The following CCL28 variants were observed in gnomAD, a reference collection of about 807,000 sequenced individuals.
CCL28 encodes C-C motif chemokine 28.
CCL28 carries 4 observed loss-of-function variants against 7.1 expected under a neutral mutation model. The ratio of observed to expected loss-of-function variants is 0.56; its 90% CI spans 0.28 to 1.29. CCL28 has a LOEUF of 1.29. Among genes scored for constraint, CCL28 ranks in the 50% most tolerant of loss-of-function variants. The pLI, the probability that CCL28 is intolerant of heterozygous loss-of-function variation, is 0.11. For synonymous variants in CCL28, 55 were observed against 57.8 expected (o/e 0.95, Z 0.22); for missense variants, 151 against 163.4 (o/e 0.92, Z 0.41).
chr5:43,397,471 GCCCAAGTA>G (rs1740860710), intron 1 of CCL28, among the ~76,000 whole-genome samples: 2 of 151,596 alleles, frequency 1.3e-5, no homozygotes, highest in Non-Finnish European at 2.9e-5. Context: ...GTTTTCAGAC[GCCCAAGTA>G]CCCTCCTGGT....
In CCL28 at chr5:43,389,461, T is replaced by G. The variant is rs1162288480; in HGVS notation, c.65-985A>C. 2.0e-5 allele frequency among the ~76,000 whole-genome samples: 3 copies of G among 152,202 alleles called. 1 individual carries two copies. In the East Asian group the frequency reaches 5.8e-4, roughly 29 times the overall value. The stretch of plus-strand genomic sequence containing the variant: ...ACCCATCTCACTATACGTGAATCAC[T>G]ACGCTAGACCCTGAAGGTAGAAAGA... On this transcript the variant is annotated intron_variant, in intron 1 of 2. Coordinates refer to ENST00000361115, the MANE Select transcript of CCL28 (RefSeq NM_148672.3).
chr5:43,385,388 G>T (rs569807647), intron 2 of CCL28, among the ~76,000 whole-genome samples: 16 of 152,274 alleles, frequency 1.1e-4, no homozygotes, highest in Admixed American at 9.8e-4. Context: ...TTTACCGTAC[G>T]TTGACTTATA....
At chr5:43,398,398 A>AT (rs1740903429) in intron 1 of CCL28, among the ~76,000 whole-genome samples, 1 of 152,002 alleles carries the variant, frequency 6.6e-6, no homozygotes, top group African/African-American at 2.4e-5. Flanking sequence ...TAATTTCTTT[A>AT]TTTTTTTGTA....
intron 1 of CCL28, among the ~76,000 whole-genome samples, chr5:43,391,820 T>C (rs988706030): frequency 1.3e-5 from 2 of 152,228 alleles, no homozygotes; most frequent in African/African-American, 4.8e-5. Context: ...TTAATCACCA[T>C]TTTATAAATG....
chr5:43,377,056 A>C (rs1303813271), downstream of CCL28: 3 of 152,236 alleles, frequency 2.0e-5, no homozygotes, highest in East Asian at 5.8e-4. Context: ...CTAGTGATTA[A>C]TGCTGAATGT....
chr5:43,402,611 G>A (rs1387884525), intron 1 of CCL28, among the ~76,000 whole-genome samples: 4 of 152,146 alleles, frequency 2.6e-5, no homozygotes, highest in South Asian at 2.1e-4. Flanking sequence ...CACAGAAAAC[G>A]GGTGATTTCT....
chr5:43,378,428 A>G (rs920516097), downstream of CCL28, among the ~76,000 whole-genome samples: 28 of 152,100 alleles, frequency 1.8e-4, no homozygotes, highest in Admixed American at 9.8e-4. Flanking sequence ...TGTTATTTTT[A>G]TTATAAATTC....
the CCL28 span, among the ~76,000 whole-genome samples, chr5:43,367,734 C>T: frequency 6.6e-6 from 1 of 152,150 alleles, no homozygotes; most frequent in African/African-American, 2.4e-5. Context: ...GAGCCATGTA[C>T]CTCAGTTGGA....
At chr5:43,382,119 T>G in intron 2 of CCL28, 67 bp from the exon 3 acceptor site, 6 of 1,402,604 alleles carry the variant, frequency 4.3e-6, no homozygotes, top group African/African-American at 2.9e-5. Context: ...CTTAGTGACT[T>G]ACATGCAGCT....
chr5:43,393,424 G>T (rs1303983477), intron 1 of CCL28, among the ~76,000 whole-genome samples: 3 of 151,448 alleles, frequency 2.0e-5, no homozygotes, highest in African/African-American at 4.9e-5. Context: ...GCACAATCTC[G>T]GCTCACTGCA....
At chr5:43,372,993 G>GT (rs1291548972), downstream of CCL28, among the ~76,000 whole-genome samples, 1 of 151,438 alleles carries the variant, frequency 6.6e-6, no homozygotes, top group African/African-American at 2.4e-5. Context: ...CAAAGATGGG[G>GT]TTTCGCCATG....
rs1178941429 is a variant in CCL28 at position 43,379,767 on chromosome 5, A to G, written c.*2093T>C. Reference sequence around the variant, plus strand: ...AACACTACTGGGCTCTTACCTATCTATCTTGAAGCCTCTATGGACAAAAAA... The same window carrying G: ...AACACTACTGGGCTCTTACCTATCTGTCTTGAAGCCTCTATGGACAAAAAA... On this transcript the variant is annotated 3_prime_UTR_variant, in exon 3 of 3. Transcript: ENST00000361115. 6.6e-6 allele frequency: 1 copy of G among 152,060 alleles called. No individual in the cohort carries two copies. Among genetic ancestry groups the G allele is most frequent in the Admixed American group, 6.6e-5 (1 of 15,246 alleles). The allele number at this position is 152,060 out of a possible 1,614,324, so 9.4% of individuals were successfully genotyped here.
At chr5:43,365,225 G>A in the CCL28 span, among the ~76,000 whole-genome samples, 1 of 151,972 alleles carries the variant, frequency 6.6e-6, no homozygotes, top group African/African-American at 2.4e-5. Flanking sequence ...GGATGGTCTC[G>A]ATCTCCTGAC....
intron 1 of CCL28, among the ~76,000 whole-genome samples, chr5:43,389,741 G>A (rs1319731566): frequency 1.3e-5 from 2 of 152,166 alleles, no homozygotes; most frequent in Non-Finnish European, 2.9e-5. Context: ...GAGATCACTT[G>A]ATCTAAGTCA....
chr5:43,360,777 T>A, the CCL28 span, among the ~76,000 whole-genome samples: 65 of 152,336 alleles, frequency 4.3e-4, no homozygotes, highest in Admixed American at 3.5e-3. Context: ...AATGGTTTTT[T>A]TCTTGTAAAT....
downstream of CCL28, among the ~76,000 whole-genome samples, chr5:43,375,399 T>TAAAAA (rs1739869670): frequency 1.1e-5 from 1 of 89,220 alleles, no homozygotes; most frequent in Non-Finnish European, 2.1e-5. Flanking sequence ...GAGTAAAAAC[T>TAAAAA]CATCTACCAA....
downstream of CCL28, among the ~76,000 whole-genome samples, chr5:43,374,508 T>C (rs555051158): frequency 7.0e-4 from 107 of 152,308 alleles, no homozygotes; most frequent in Non-Finnish European, 8.8e-4. Context: ...CAAGGCTGGG[T>C]GCAGTGGCTC....
chr5:43,376,403 G>C (rs754919252), downstream of CCL28, among the ~76,000 whole-genome samples: 1 of 152,166 alleles, frequency 6.6e-6, no homozygotes, highest in Non-Finnish European at 1.5e-5. Context: ...GTACATGGGA[G>C]AGCCCCCCAC....
At chr5:43,401,324 T>A (rs73751086) in intron 1 of CCL28, among the ~76,000 whole-genome samples, 1 of 152,274 alleles carries the variant, frequency 6.6e-6, no homozygotes, top group African/African-American at 2.4e-5. Context: ...GGATAATGTT[T>A]GGGGGCATGG....
Sources: gnomAD v4.1 joint callset for allele counts (sites outside exome capture counted in the v4.1 genomes callset) on GRCh38, gnomAD v4.1.1 for gene constraint, MANE v1.5 for transcripts, NCBI Gene and HGNC (gene_info 2026-07-23, HGNC 2026-07-21) for gene names.